KDM1B: variants seen among roughly 807,000 people sequenced by gnomAD.
KDM1B encodes the protein lysine-specific histone demethylase 2.
Under a neutral mutation model 107.4 loss-of-function variants are expected in KDM1B, and 63 were observed. The ratio of observed to expected loss-of-function variants is 0.59; its 90% confidence interval spans 0.48 to 0.72. The LOEUF (loss-of-function observed/expected upper bound fraction) is 0.72. Ranked by LOEUF, KDM1B falls within the 30% of genes least tolerant of loss-of-function variation. The pLI is 0.00. For missense variants in KDM1B, 749 were observed against 1,020.8 expected, an observed-to-expected ratio of 0.73 and a Z score of 3.63; for synonymous variants, 363 against 363.9, an observed-to-expected ratio of 1.00 and a Z score of 0.03.
In KDM1B at chr6:18,171,728, A is replaced by G. The variant is rs1049779479; in HGVS notation, c.534+249A>G. Among the ~76,000 whole-genome samples, 3 of 152,164 alleles carry G rather than the reference A, an allele frequency of 2.0e-5. No individual in the cohort carries two copies. In the South Asian group the frequency reaches 6.2e-4, roughly 31 times the overall value. On this transcript the variant is annotated intron_variant, in intron 7 of 21. Coordinates refer to ENST00000650836, the MANE Select transcript of KDM1B (RefSeq NM_001364614.2). ...AGGGTTGGTTTTGTTGCCCAAGGAA[A>G]TCTCTTTGTAGCTTCCACTCCAGCC...
At position 18,159,941 on chromosome 6, in the gene KDM1B, C is replaced by A. The variant is rs200534471; in HGVS notation, c.46C>A (p.His16Asn). 6.2e-7 allele frequency: 1 copy of A among 1,609,916 alleles called. No homozygotes were observed. ...GACAAAGAAAAAAGCATCTTTTGAT[C>A]ATTCTCCGGATAGCCTTCCTTTGAG... ...GRTKKKASFD[H>N]SPDSLPLRSS... Residue 16 changes from histidine (H) to asparagine (N), a missense_variant, in exon 3 of 22, where the codon CAT (histidine) becomes AAT (asparagine). Coordinates refer to ENST00000650836, the MANE Select transcript of KDM1B (RefSeq NM_001364614.2). This position sits in a 1 kb window ranked among gnomAD's most constrained non-coding sequence, Gnocchi z 4.5.
Position 18,197,356 on chromosome 6 carries a change from C to A in KDM1B, c.1146+123C>A. 1 of 964,342 alleles carries A rather than the reference C, an allele frequency of 1.0e-6. No homozygotes were observed. Among genetic ancestry groups the A allele is most frequent in the Non-Finnish European group, 1.5e-6 (1 of 658,156 alleles). The allele number at this position is 964,342 out of a possible 1,614,324, so 59.7% of individuals were successfully genotyped here. A position where few individuals can be genotyped will look rare whatever the true frequency, so the allele number is the denominator to read the frequency against. The stretch of plus-strand genomic sequence containing the variant: ...TAAAACTTAACAGAAGCAAGGCTTT[C>A]GCAGAATGTGTTTCTCCTGAAAGGA... On this transcript the variant is annotated intron_variant, in intron 11 of 21. Coordinates refer to ENST00000650836, the MANE Select transcript of KDM1B (RefSeq NM_001364614.2). This position sits in a 1 kb window ranked among gnomAD's most constrained non-coding sequence, Gnocchi z 4.5.
intron 7 of KDM1B, among the ~76,000 whole-genome samples, chr6:18,175,794 T>C (rs1343656505): frequency 1.3e-5 from 2 of 152,208 alleles, no homozygotes; most frequent in East Asian, 3.9e-4. Flanking sequence ...TTGGGTTTAT[T>C]TCTGGGTTCT....
intron 7 of KDM1B, among the ~76,000 whole-genome samples, chr6:18,177,195 G>A (rs181655264): frequency 6.6e-6 from 1 of 152,222 alleles, no homozygotes; most frequent in East Asian, 1.9e-4. Flanking sequence ...TAAGCTAGGA[G>A]GGTTGTATTT....
In KDM1B at chr6:18,197,539, G is replaced by A. The variant is rs760048568; in HGVS notation, c.1147-48G>A. On this transcript the variant is annotated intron_variant, in intron 11 of 21. Transcript: ENST00000650836. The surrounding 1 kb of genome is among the most constrained non-coding windows in gnomAD (Gnocchi z 4.5). ...AGTTCCGGAACAACTAAAACAGGAC[G>A]TTGTTATCATCTGCTCTAATTGGAC... The A allele has an allele frequency of 2.9e-5, 41 of 1,429,902 alleles. No homozygotes were observed. The highest frequency in any genetic ancestry group is 4.2e-5 in the African/African-American group (3 of 71,326). The allele number at this position is 1,429,902 out of a possible 1,614,324, so 88.6% of individuals were successfully genotyped here.
rs1221452825 is a variant in KDM1B at position 18,186,679 on chromosome 6, C to G, written c.573+869C>G. Reference sequence around the variant, plus strand: ...TTAACTGACTCACAGTTCTGCATGGCTGGGGAGGCCTCAGGAAACTTAGAA... The same window carrying G: ...TTAACTGACTCACAGTTCTGCATGGGTGGGGAGGCCTCAGGAAACTTAGAA... On this transcript the variant is annotated intron_variant, in intron 8 of 21. Transcript: ENST00000650836. This position sits in a 1 kb window ranked among gnomAD's most constrained non-coding sequence, Gnocchi z 5.6. Among the ~76,000 whole-genome samples, 1 of 152,080 alleles carries G rather than the reference C, an allele frequency of 6.6e-6. No homozygotes were observed. The highest frequency in any genetic ancestry group is 1.5e-5 in the Non-Finnish European group (1 of 68,012).
In KDM1B at chr6:18,214,250, G is replaced by A. The variant is rs916604477; in HGVS notation, c.2109+469G>A. 1.3e-5 allele frequency among the ~76,000 whole-genome samples: 2 copies of A among 152,148 alleles called. No homozygotes were observed. The highest frequency in any genetic ancestry group is 2.1e-4 in the South Asian group (1 of 4,828). On this transcript the variant is annotated intron_variant, in intron 19 of 21. Coordinates refer to ENST00000650836, the MANE Select transcript of KDM1B (RefSeq NM_001364614.2). This position sits in a 1 kb window ranked among gnomAD's most constrained non-coding sequence, Gnocchi z 4.4. ...GACGGGGGTGGTCACTTTCTCTGCCGTCATGTCACTGCCACACGAAAGAAT... is the reference window on the plus strand; with the variant it reads ...GACGGGGGTGGTCACTTTCTCTGCCATCATGTCACTGCCACACGAAAGAAT...
At chr6:18,168,400 T>C (rs1326220831) in intron 6 of KDM1B, among the ~76,000 whole-genome samples, 1 of 152,226 alleles carries the variant, frequency 6.6e-6, no homozygotes, top group Admixed American at 6.5e-5. Flanking sequence ...CCTAATGTAA[T>C]GTTTTTGAGA....
At chr6:18,199,867 G>A (rs1356149631) in intron 12 of KDM1B, among the ~76,000 whole-genome samples, 1 of 152,132 alleles carries the variant, frequency 6.6e-6, no homozygotes, top group Non-Finnish European at 1.5e-5. Context: ...TACATTTCAT[G>A]TACTAGTTCA....
intron 7 of KDM1B, among the ~76,000 whole-genome samples, chr6:18,184,747 T>TTTTTTA (rs1786731417): frequency 7.6e-6 from 1 of 131,340 alleles, no homozygotes; most frequent in Admixed American, 7.9e-5. Flanking sequence ...TTTTTTTTTT[T>TTTTTTA]TTTTTTTTTT....
chr6:18,217,859 C>A lies in KDM1B; in HGVS notation c.2359C>A (p.Gln787Lys), dbSNP rs1356193040. 30 of 1,612,710 alleles carry A rather than the reference C, an allele frequency of 1.9e-5. No homozygotes were observed. Among genetic ancestry groups the A allele is most frequent in the Non-Finnish European group, 2.1e-5 (25 of 1,179,700 alleles). ...CTACGATATCATTGCTGAAGACATTCAAGGAACCGTCTTTTTCGCTGGTGA... is the reference window on the plus strand; with the variant it reads ...CTACGATATCATTGCTGAAGACATTAAAGGAACCGTCTTTTTCGCTGGTGA... The part of the protein sequence containing the change: ...EAYDIIAEDI[Q>K]GTVFFAGEAT... The change falls in exon 21 of 22, where the codon CAA (glutamine) becomes AAA (lysine). Residue 787 changes from glutamine to lysine, a missense_variant. Transcript: ENST00000650836.
At chr6:18,176,903 T>C (rs1786051070) in intron 7 of KDM1B, among the ~76,000 whole-genome samples, 1 of 152,208 alleles carries the variant, frequency 6.6e-6, no homozygotes, top group African/African-American at 2.4e-5. Flanking sequence ...TGTTAGCGTC[T>C]ATGTTCATCA....
At chr6:18,206,028 G>A (rs965291305) in intron 15 of KDM1B, among the ~76,000 whole-genome samples, 5 of 151,960 alleles carry the variant, frequency 3.3e-5, no homozygotes, top group Non-Finnish European at 7.4e-5. Context: ...TGTGTGTTTT[G>A]TGTGTCTAAA....
In KDM1B at chr6:18,222,289, A is replaced by G. The variant is rs1414128003; in HGVS notation, c.*297A>G. On this transcript the variant is annotated 3_prime_UTR_variant, in exon 22 of 22. Transcript: ENST00000650836. ...TTGAGGCCATGGATTTGATTGTTCC[A>G]TGGCTGGAAGTTCCCTTTAGATTTC... The G allele has an allele frequency of 8.5e-6, 4 of 471,440 alleles. No homozygotes were observed. The highest frequency in any genetic ancestry group is 1.6e-5 in the Non-Finnish European group (4 of 249,982). 29.2% of individuals were successfully genotyped at this position (471,440 alleles called of 1,614,324 possible). A position where few individuals can be genotyped will look rare whatever the true frequency, so the allele number is the denominator to read the frequency against.
intron 6 of KDM1B, among the ~76,000 whole-genome samples, chr6:18,170,080 T>A (rs1171665597): frequency 6.6e-6 from 1 of 151,730 alleles, no homozygotes; most frequent in Admixed American, 6.6e-5. Context: ...AGCTAATTTT[T>A]TTATATTTTT....
At chr6:18,175,872 C>G (rs1400881119) in intron 7 of KDM1B, among the ~76,000 whole-genome samples, 1 of 152,074 alleles carries the variant, frequency 6.6e-6, no homozygotes, top group Non-Finnish European at 1.5e-5. Flanking sequence ...TGACTATGGC[C>G]TTATAGTATA....
Position 18,161,240 on chromosome 6 carries a change from C to T in KDM1B, c.88-87C>T, listed in dbSNP as rs1784953558. ...ATGTTTTTGACCTTCATGTTTAGAA[C>T]TCAGCTGTGATTTCAGTAGTGAACC... On this transcript the variant is annotated intron_variant, in intron 3 of 21. Transcript: ENST00000650836. 10 of 1,258,274 alleles carry T rather than the reference C, an allele frequency of 7.9e-6. 1 individual carries two copies. In the South Asian group the frequency reaches 1.3e-4, roughly 16 times the overall value. The allele number at this position is 1,258,274 out of a possible 1,614,324, so 77.9% of individuals were successfully genotyped here.
At chr6:18,168,021 A>T (rs1316079039) in intron 6 of KDM1B, among the ~76,000 whole-genome samples, 1 of 152,154 alleles carries the variant, frequency 6.6e-6, no homozygotes, top group African/African-American at 2.4e-5. Context: ...CAGCCTCTCA[A>T]AGTGTTAGGA....
Position 18,213,599 on chromosome 6 carries a change from T to C in KDM1B, c.1984-57T>C. The C allele has an allele frequency of 6.2e-7, 1 of 1,600,816 alleles. No homozygotes were observed. Among genetic ancestry groups the C allele is most frequent in the Non-Finnish European group, 8.6e-7 (1 of 1,168,546 alleles). On this transcript the variant is annotated intron_variant, in intron 18 of 21. Coordinates refer to ENST00000650836, the MANE Select transcript of KDM1B (RefSeq NM_001364614.2). The surrounding 1 kb of genome is among the most constrained non-coding windows in gnomAD (Gnocchi z 5.9). ...GAGCTACAGGTTGCTGCTTAGATAT[T>C]GCCTGTGGTTTTGTGACGACAGACA... is the stretch of plus-strand genomic sequence containing the variant.
Sources: allele counts gnomAD v4.1 joint callset (sites outside exome capture counted in the v4.1 genomes callset), GRCh38; gene constraint gnomAD v4.1.1; non-coding constraint Gnocchi (gnomAD v3.1); transcripts MANE v1.5; gene names NCBI Gene and HGNC (gene_info 2026-07-23, HGNC 2026-07-21).